Variants in CPQ observed in about 807,000 individuals in gnomAD.
CPQ encodes the protein Ser-Met dipeptidase.
CPQ carries 37 observed loss-of-function variants against 45.7 expected under a neutral mutation model. The observed-to-expected ratio is 0.81, with a 90% CI of 0.62 to 1.07. The LOEUF (loss-of-function observed/expected upper bound fraction) is 1.07, where lower values mean the gene tolerates loss of function less well. Among genes scored for constraint, CPQ ranks in the 50% least tolerant of loss-of-function variants. CPQ has a pLI of 0.00. For synonymous variants in CPQ, 186 were observed against 205.8 expected (o/e 0.90, Z 0.82); for missense variants, 537 against 572.9 (o/e 0.94, Z 0.64).
At chr8:97,109,905 A>C (rs565549563) in intron 7 of CPQ, among the ~76,000 whole-genome samples, 38 of 152,228 alleles carry the variant, frequency 2.5e-4, no homozygotes, top group Middle Eastern at 3.4e-3. Flanking sequence ...AAAATTCTTT[A>C]AGGGTTATTC....
intron 1 of CPQ, among the ~76,000 whole-genome samples, chr8:96,685,821 T>C (rs1457079545): frequency 6.6e-6 from 1 of 152,174 alleles, no homozygotes; most frequent in Non-Finnish European, 1.5e-5. Context: ...CAGGTAGAAC[T>C]GACATCTTTA....
chr8:97,113,490 A>T (rs1337414186), intron 7 of CPQ, among the ~76,000 whole-genome samples: 1 of 152,244 alleles, frequency 6.6e-6, no homozygotes, highest in Non-Finnish European at 1.5e-5. Flanking sequence ...TGACTTAAAC[A>T]CTTAACAACA....
At chr8:96,944,866 G>A (rs1316283372) in intron 4 of CPQ, among the ~76,000 whole-genome samples, 1 of 152,008 alleles carries the variant, frequency 6.6e-6, no homozygotes, top group African/African-American at 2.4e-5. Context: ...TGGGTAGTAG[G>A]GAAATACCTC....
At chr8:96,708,150 A>G (rs111252682) in intron 1 of CPQ, among the ~76,000 whole-genome samples, 3,644 of 151,932 alleles carry the variant, frequency 0.024, 160 homozygotes, top group African/African-American at 0.083. Context: ...CCCTTCTTCT[A>G]TAGTTCCATC....
chr8:97,067,440 T>C (rs1043236399), intron 7 of CPQ, among the ~76,000 whole-genome samples: 8 of 152,328 alleles, frequency 5.3e-5, no homozygotes, highest in Middle Eastern at 3.4e-3. Flanking sequence ...AGTTTTAACA[T>C]TGCTGTATTC....
intron 2 of CPQ, among the ~76,000 whole-genome samples, chr8:96,791,376 GT>G (rs1438802798): frequency 1.3e-5 from 2 of 152,022 alleles, no homozygotes; most frequent in African/African-American, 4.8e-5. Flanking sequence ...GTTTTTGTGT[GT>G]TTTTTTAAAG....
intron 2 of CPQ, among the ~76,000 whole-genome samples, chr8:96,805,864 TC>T (rs1289478340): frequency 6.6e-6 from 1 of 151,844 alleles, no homozygotes; most frequent in Non-Finnish European, 1.5e-5. Context: ...CCTCTTACAT[TC>T]CCTCCACCAT....
intron 1 of CPQ, among the ~76,000 whole-genome samples, chr8:96,732,857 G>T (rs1277248688): frequency 6.6e-6 from 1 of 152,186 alleles, no homozygotes; most frequent in Non-Finnish European, 1.5e-5. Flanking sequence ...ACTTGCCATT[G>T]AAAGGCTATG....
At chr8:97,090,745 T>A (rs575283369) in intron 7 of CPQ, among the ~76,000 whole-genome samples, 12 of 152,262 alleles carry the variant, frequency 7.9e-5, no homozygotes, top group Admixed American at 1.3e-4. Flanking sequence ...GTGTAAGACC[T>A]CATTTAAGAG....
At chr8:97,007,434 A>T (rs1809402542) in intron 5 of CPQ, among the ~76,000 whole-genome samples, 1 of 152,128 alleles carries the variant, frequency 6.6e-6, no homozygotes, top group Admixed American at 6.5e-5. Flanking sequence ...CTCCTGACTC[A>T]TATTTTAGTT....
intron 1 of CPQ, among the ~76,000 whole-genome samples, chr8:96,769,814 G>A (rs77621282): frequency 3.3e-5 from 5 of 151,564 alleles, no homozygotes; most frequent in Non-Finnish European, 7.4e-5. Flanking sequence ...GCATTTTTGT[G>A]GGGGGTGGGT....
intron 1 of CPQ, among the ~76,000 whole-genome samples, chr8:96,698,896 T>C (rs1763426048): frequency 2.0e-5 from 3 of 152,264 alleles, no homozygotes; most frequent in South Asian, 2.1e-4. Flanking sequence ...TGTAAATTAG[T>C]ACAACCACTA....
intron 4 of CPQ, among the ~76,000 whole-genome samples, chr8:96,933,528 G>C (rs1159726794): frequency 4.6e-5 from 7 of 152,144 alleles, no homozygotes. Context: ...ATTCAGAGGA[G>C]GAGACTGAAC....
intron 3 of CPQ, among the ~76,000 whole-genome samples, chr8:96,856,892 C>T (rs946489722): frequency 1.3e-5 from 2 of 152,176 alleles, no homozygotes; most frequent in African/African-American, 4.8e-5. Flanking sequence ...TTATATTCTT[C>T]GTGTAGTGCT....
intron 1 of CPQ, among the ~76,000 whole-genome samples, chr8:96,724,506 C>T (rs1809809142): frequency 2.0e-5 from 3 of 151,700 alleles, no homozygotes; most frequent in South Asian, 4.1e-4. Flanking sequence ...CACACACACA[C>T]ACACACACAC....
chr8:96,836,975 C>G (rs1811539240), intron 3 of CPQ, among the ~76,000 whole-genome samples: 1 of 152,034 alleles, frequency 6.6e-6, no homozygotes, highest in African/African-American at 2.4e-5. Flanking sequence ...TTGTATAATT[C>G]TATTCTTTCA....
chr8:97,113,002 T>C (rs1563583808), intron 7 of CPQ, among the ~76,000 whole-genome samples: 1 of 152,242 alleles, frequency 6.6e-6, no homozygotes, highest in African/African-American at 2.4e-5. Flanking sequence ...GGGTCACAAA[T>C]CATCAAAACT....
intron 1 of CPQ, among the ~76,000 whole-genome samples, chr8:96,694,704 A>C (rs1464143612): frequency 1.3e-5 from 2 of 152,122 alleles, no homozygotes. Flanking sequence ...AGGAAATTAA[A>C]AAAAAATTGA....
chr8:96,748,302 C>G (rs1226133320), intron 1 of CPQ, among the ~76,000 whole-genome samples: 4 of 152,112 alleles, frequency 2.6e-5, no homozygotes, highest in Non-Finnish European at 2.9e-5. Context: ...CTTAATTTCT[C>G]AGCATGGCTT....
Sources: allele counts gnomAD v4.1 joint callset (sites outside exome capture counted in the v4.1 genomes callset), GRCh38; gene constraint gnomAD v4.1.1; transcripts MANE v1.5; gene names NCBI Gene and HGNC (gene_info 2026-07-23, HGNC 2026-07-21).